Variants in MYO1F observed in about 807,000 individuals in gnomAD.
The protein encoded by MYO1F is unconventional myosin-If.
MYO1F carries 60 observed loss-of-function variants against 146.6 expected under a neutral mutation model. The observed-to-expected ratio is 0.41, with a 90% CI of 0.33 to 0.51. The LOEUF (loss-of-function observed/expected upper bound fraction) is 0.51, where lower values mean the gene tolerates loss of function less well. Among genes scored for constraint, MYO1F ranks in the 20% least tolerant of loss-of-function variants. MYO1F has a pLI of 0.25. For synonymous variants in MYO1F, 602 were observed against 602.1 expected, an observed-to-expected ratio of 1.00 and a Z score of 0.00; for missense variants, 1,274 against 1,534.3, an observed-to-expected ratio of 0.83 and a Z score of 2.83.
Position 8,526,524 on chromosome 19 carries a change from T to C in MYO1F, c.2699A>G (p.Asp900Gly). 3 of 1,586,344 alleles carry C rather than the reference T, an allele frequency of 1.9e-6. No homozygotes were observed. Among genetic ancestry groups the C allele is most frequent in the South Asian group, 1.2e-5 (1 of 86,494 alleles). The part of the protein sequence containing the change: ...RSVTFSRGFG[D>G]LAVLKVGGRT... ...ACCGCCAACCTTGAGCACTGCCAAG[T>C]CGCCGAAGCCGCGGGAGAAGGTGAC... The change falls in exon 24 of 28, where the codon GAC (aspartate) becomes GGC (glycine). Residue 900 changes from aspartate (D) to glycine (G), a missense_variant. Physicochemically the swap from Asp to Gly is moderately conservative, Grantham distance 94 (BLOSUM62 -1). Around this residue, in one of 2 missense-constraint regions of MYO1F, gnomAD observed 374 missense variants for 379.2 expected, o/e 0.99. Transcript: ENST00000644032.
At chr19:8,575,822 G>A (rs1439240150) in intron 1 of MYO1F, among the ~76,000 whole-genome samples, 2 of 152,126 alleles carry the variant, frequency 1.3e-5, no homozygotes, top group Non-Finnish European at 2.9e-5. Context: ...TCCTTGGGGA[G>A]GGGTTGCCTT....
chr19:8,543,697 T>C (rs1243865322), intron 14 of MYO1F, among the ~76,000 whole-genome samples: 100 of 25,344 alleles, frequency 3.9e-3, no homozygotes, highest in Non-Finnish European at 6.1e-3. Context: ...GTGGTGGTGG[T>C]GGTGGTGGTG....
rs758133545 is a variant in MYO1F at position 8,536,592 on chromosome 19, T to C, written c.1805A>G (p.Lys602Arg). 6.2e-7 allele frequency: 1 copy of C among 1,602,064 alleles called. No individual in the cohort carries two copies. Among genetic ancestry groups the C allele is most frequent in the African/African-American group, 1.4e-5 (1 of 72,132 alleles). Reference sequence around the variant, plus strand: ...CAGGCCCAGGTATTCCACCTGGTGCTTGACTCTGGTGGGGAGGGTAGGCTG... The same window carrying C: ...CAGGCCCAGGTATTCCACCTGGTGCCTGACTCTGGTGGGGAGGGTAGGCTG... ...RPRDWEENRV[K>R]HQVEYLGLKE... Residue 602 changes from lysine to arginine, a missense_variant, in exon 18 of 28, where the codon AAG (lysine) becomes AGG (arginine). Transcript: ENST00000644032.
At position 8,526,793 on chromosome 19, in the gene MYO1F, C is replaced by G; in HGVS notation, c.2617G>C (p.Asp873His). The change falls in exon 23 of 28, where the codon GAC (aspartate) becomes CAC (histidine). Residue 873 changes from aspartate to histidine, a missense_variant. This residue lies in a region of MYO1F where 374 missense variants were observed against 379.2 expected (regional missense o/e 0.99). Coordinates refer to ENST00000644032, the MANE Select transcript of MYO1F (RefSeq NM_012335.4). ...CTGGGGTTGGCGGGGCCGTACGTGT[C>G]GCTGAAGGTGAGGGGCAGGGGCCTC... Reference protein sequence around the residue: ...TRRPLPLTFSDTLQFRVKKEG... With the variant: ...TRRPLPLTFSHTLQFRVKKEG... 6.2e-7 allele frequency: 1 copy of G among 1,609,972 alleles called. No individual in the cohort carries two copies. The highest frequency in any genetic ancestry group is 1.1e-5 in the South Asian group (1 of 90,708).
In MYO1F at chr19:8,521,289, C is replaced by T. The variant is rs969746798; in HGVS notation, c.*239G>A. ...ATTCTGCTGTTAGTCCCCTTTGACA[C>T]ACACAGAAATGGAGAATGGGCAGCA... is the stretch of plus-strand genomic sequence containing the variant. On this transcript the variant is annotated 3_prime_UTR_variant, in exon 28 of 28. Coordinates refer to ENST00000644032, the MANE Select transcript of MYO1F (RefSeq NM_012335.4). The T allele has an allele frequency of 1.8e-6, 1 of 570,352 alleles. No individual in the cohort carries two copies. Among genetic ancestry groups the T allele is most frequent in the Admixed American group, 2.9e-5 (1 of 34,576 alleles). 35.3% of individuals were successfully genotyped at this position (570,352 alleles called of 1,614,324 possible). A position where few individuals can be genotyped will look rare whatever the true frequency, so the allele number is the denominator to read the frequency against.
At chr19:8,537,088 G>A (rs750300644) in intron 16 of MYO1F, 33 bp from the exon 17 acceptor site, 50 of 1,412,244 alleles carry the variant, frequency 3.5e-5, no homozygotes, top group Non-Finnish European at 4.9e-5. Flanking sequence ...TGGGTGGGGG[G>A]CACAGAGATG....
chr19:8,542,677 T>C (rs1245111938), intron 14 of MYO1F, among the ~76,000 whole-genome samples: 4 of 150,122 alleles, frequency 2.7e-5, no homozygotes, highest in Non-Finnish European at 4.4e-5. Flanking sequence ...CTCAGCTCAC[T>C]GCAACCTCCG....
chr19:8,525,517 G>A lies in MYO1F; in HGVS notation c.2816C>T (p.Ser939Phe). The stretch of plus-strand genomic sequence containing the variant: ...AGGGGCCGCCCGGGTAGGGGCTTGG[G>A]ACGACCTCCGAGGTTTTCCCTTGGC... The part of the protein sequence containing the change: ...GMAKGKPRRS[S>F]QAPTRAAPAP... The change falls in exon 25 of 28, where the codon TCC (serine) becomes TTC (phenylalanine). Residue 939 changes from serine (S) to phenylalanine (F), a missense_variant. Coordinates refer to ENST00000644032, the MANE Select transcript of MYO1F (RefSeq NM_012335.4). 1.9e-6 allele frequency: 3 copies of A among 1,613,548 alleles called. No homozygotes were observed. Among genetic ancestry groups the A allele is most frequent in the Non-Finnish European group, 2.5e-6 (3 of 1,179,968 alleles).
At chr19:8,565,807 C>G (rs2041991810) in intron 1 of MYO1F, among the ~76,000 whole-genome samples, 4 of 151,472 alleles carry the variant, frequency 2.6e-5, no homozygotes, top group Admixed American at 2.6e-4. Context: ...CAGTTAACAC[C>G]TGGCCGGGTG....
intron 15 of MYO1F, among the ~76,000 whole-genome samples, chr19:8,540,687 G>A (rs1425558532): frequency 6.6e-6 from 1 of 151,234 alleles, no homozygotes; most frequent in Admixed American, 6.6e-5. Flanking sequence ...TCCAGCCTGG[G>A]CGGCAGGGTG....
chr19:8,529,652 A>G (rs1211054016), intron 21 of MYO1F, among the ~76,000 whole-genome samples: 1 of 151,760 alleles, frequency 6.6e-6, no homozygotes, highest in Non-Finnish European at 1.5e-5. Context: ...AGGATAGGCA[A>G]GGGTGGCCTC....
At position 8,555,784 on chromosome 19, in the gene MYO1F, G is replaced by A. The variant is rs371067269; in HGVS notation, c.16C>T (p.Arg6Cys). The A allele has an allele frequency of 1.6e-4, 258 of 1,613,214 alleles. 2 individuals are homozygous for A. The South Asian group carries it at 2.5e-3, about 16-fold the overall frequency. The change falls in exon 2 of 28, where the codon CGC becomes TGC. Residue 6 changes from arginine (R) to cysteine (C), a missense_variant. Arg to Cys is a radical substitution (Grantham distance 180, BLOSUM62 -3). Transcript: ENST00000644032. Reference sequence around the variant, plus strand: ...ACGTTGTGGCTCTGCCAGTGGAAGCGCTCCTTGCTGCCCTGGGGGGTGAGA... The same window carrying A: ...ACGTTGTGGCTCTGCCAGTGGAAGCACTCCTTGCTGCCCTGGGGGGTGAGA... MGSKE[R>C]FHWQSHNVKQ...
chr19:8,565,829 C>A (rs2041992430), intron 1 of MYO1F, among the ~76,000 whole-genome samples: 1 of 151,922 alleles, frequency 6.6e-6, no homozygotes, highest in Non-Finnish European at 1.5e-5. Flanking sequence ...TGGCTCACAC[C>A]TGTCATCCCA....
At chr19:8,549,100 G>A (rs1240344077) in intron 10 of MYO1F, among the ~76,000 whole-genome samples, 9 of 151,586 alleles carry the variant, frequency 5.9e-5, no homozygotes, top group East Asian at 1.9e-4. Flanking sequence ...ACAGGCATGC[G>A]CCACCACGCC....
At chr19:8,536,623 C>T (rs1397615435) in intron 17 of MYO1F, 26 bp from the exon 18 acceptor site, 4 of 1,277,918 alleles carry the variant, frequency 3.1e-6, no homozygotes, top group Admixed American at 4.0e-5. Flanking sequence ...GGCTGAGTCC[C>T]CTCGGGGTGG....
Position 8,548,267 on chromosome 19 carries a change from C to G in MYO1F, c.1152G>C (p.Val384=). The change falls in exon 11 of 28, where the codon GTG becomes GTC. Residue 384 remains valine (V), a synonymous_variant. Coordinates refer to ENST00000644032, the MANE Select transcript of MYO1F (RefSeq NM_012335.4). The part of the protein sequence containing the change: ...QKPQEEYSIG[V]LDIYGFEIFQ... ...AGATCTCGAAGCCGTAAATGTCCAG[C>G]ACACCGATGCTGTACTCTTCCTGGG... is the stretch of plus-strand genomic sequence containing the variant. 1 of 1,614,010 alleles carries G rather than the reference C, an allele frequency of 6.2e-7. No individual in the cohort carries two copies. Among genetic ancestry groups the G allele is most frequent in the Non-Finnish European group, 8.5e-7 (1 of 1,180,000 alleles).
rs374066540 is a variant in MYO1F, at chr19:8,543,100, C to T, written c.1525-1109G>A. Among the ~76,000 whole-genome samples, 450 of 151,858 alleles carry T rather than the reference C, an allele frequency of 3.0e-3. 5 individuals are homozygous for T. Among genetic ancestry groups the T allele is most frequent in the African/African-American group, 8.6e-3 (357 of 41,410 alleles). ...TGTATTTTTAGTAGAGACTGGGTTT[C>T]ACCATGTTGGCCAGGCTGGTCTTGA... On this transcript the variant is annotated intron_variant, in intron 14 of 27. Transcript: ENST00000644032.
rs201922845 is a variant in MYO1F at position 8,554,461 on chromosome 19, C to A, written c.326+16G>T. ...CCCGGGCAGCAGGGTCTGTGGCCCC[C>A]CAACTCTGTCCATACCTAATGATGA... On this transcript the variant is annotated intron_variant, in intron 4 of 27. Transcript: ENST00000644032. The A allele has an allele frequency of 6.3e-7, 1 of 1,594,032 alleles. No homozygotes were observed. The highest frequency in any genetic ancestry group is 8.6e-7 in the Non-Finnish European group (1 of 1,162,774).
Position 8,530,705 on chromosome 19 carries a change from A to G in MYO1F, c.2044-132T>C. On this transcript the variant is annotated intron_variant, in intron 19 of 27. Transcript: ENST00000644032. The surrounding 1 kb of genome is among the most constrained non-coding windows in gnomAD (Gnocchi z 5.8). The stretch of plus-strand genomic sequence containing the variant: ...TCCCCACACATGTGCTAATTTTTTT[A>G]AGAGGCGGGGTCTTTCTAGTGACAC... The G allele has an allele frequency of 1.4e-6, 1 of 729,804 alleles. No homozygotes were observed. The highest frequency in any genetic ancestry group is 2.4e-6 in the Non-Finnish European group (1 of 419,842). 45.2% of individuals were successfully genotyped at this position (729,804 alleles called of 1,614,324 possible). A position where few individuals can be genotyped will look rare whatever the true frequency, so the allele number is the denominator to read the frequency against.
Sources: allele counts gnomAD v4.1 joint callset (sites outside exome capture counted in the v4.1 genomes callset), GRCh38; gene constraint gnomAD v4.1.1; regional missense constraint gnomAD v4.1.1; non-coding constraint Gnocchi (gnomAD v3.1); transcripts MANE v1.5; gene names NCBI Gene and HGNC (gene_info 2026-07-23, HGNC 2026-07-21).